Variants in DNM3 observed in about 807,000 individuals in gnomAD.
DNM3 encodes dynamin-3.
A neutral mutation model predicts 101.6 loss-of-function variants in DNM3; 47 were observed. The observed-to-expected ratio is 0.46, with a 90% CI of 0.37 to 0.59. The LOEUF is 0.59. Among genes scored for constraint, DNM3 ranks in the 20% least tolerant of loss-of-function variants. The pLI, the probability that DNM3 is intolerant of heterozygous loss-of-function variation, is 0.00. For synonymous variants in DNM3, 385 were observed against 387.9 expected (o/e 0.99, Z 0.09); for missense variants, 849 against 1,085.7 (o/e 0.78, Z 3.06).
Position 172,308,786 on chromosome 1 carries a change from G to A in DNM3, c.1828G>A (p.Asp610Asn). The A allele has an allele frequency of 2.5e-6, 4 of 1,609,998 alleles. No homozygotes were observed. The highest frequency in any genetic ancestry group is 3.4e-6 in the Non-Finnish European group (4 of 1,178,288). Residue 610 changes from aspartate (D) to asparagine (N), a missense_variant, in exon 16 of 21, where the codon GAC becomes AAC. Physicochemically the swap from Asp to Asn is conservative, Grantham distance 23. This residue lies in a region of DNM3 where 5 missense variants were observed against 23.4 expected (regional missense o/e 0.21). Coordinates refer to ENST00000627582, the MANE Select transcript of DNM3 (RefSeq NM_015569.5). ...ELACDSQEDV[D>N]SWKASLLRAG... ...GGCATGTGATTCCCAGGAGGATGTC[G>A]ACAGCTGGAAGGCATCTCTACTAAG...
intron 18 of DNM3, among the ~76,000 whole-genome samples, chr1:172,383,656 G>A (rs563104172): frequency 6.6e-6 from 1 of 152,284 alleles, no homozygotes; most frequent in South Asian, 2.1e-4. Context: ...TATTTGTGAA[G>A]GGTTTAAAAT....
At chr1:172,066,229 G>A (rs2051651685) in intron 10 of DNM3, among the ~76,000 whole-genome samples, 1 of 152,136 alleles carries the variant, frequency 6.6e-6, no homozygotes, top group African/African-American at 2.4e-5. Context: ...GTGTGTGGAT[G>A]TGTCTTAGTC....
chr1:172,172,435 G>C (rs1310254638), intron 14 of DNM3, among the ~76,000 whole-genome samples: 1 of 151,584 alleles, frequency 6.6e-6, no homozygotes, highest in Non-Finnish European at 1.5e-5. Flanking sequence ...CGGACAGAGG[G>C]ATGATTCATA....
Position 172,383,228 on chromosome 1 carries a change from T to C in DNM3, c.2059-3905T>C, listed in dbSNP as rs141003638. On this transcript the variant is annotated intron_variant, in intron 18 of 20. Transcript: ENST00000627582. ...GCTAACACTCTTCTGCTTTCTTAAA[T>C]TGTAGATTAGTTTTGCCTGTTTTTG... Among the ~76,000 whole-genome samples, 668 of 152,276 alleles carry C rather than the reference T, an allele frequency of 4.4e-3. 25 individuals carry two copies. Among genetic ancestry groups the C allele is most frequent in the Admixed American group, 0.04 (611 of 15,294 alleles).
chr1:172,186,908 G>T (rs1027603931), intron 14 of DNM3, among the ~76,000 whole-genome samples: 19 of 152,118 alleles, frequency 1.2e-4, no homozygotes, highest in African/African-American at 4.6e-4. Flanking sequence ...GTGAACCCTA[G>T]CTATGGAGGG....
At position 172,412,315 on chromosome 1, in the gene DNM3, G is replaced by A. The variant is rs146470210; in HGVS notation, c.*4474G>A. 3 of 985,416 alleles carry A rather than the reference G, an allele frequency of 3.0e-6. No individual in the cohort carries two copies. Among genetic ancestry groups the A allele is most frequent in the East Asian group, 2.3e-4 (2 of 8,818 alleles). The allele number at this position is 985,416 out of a possible 1,614,324, so 61.0% of individuals were successfully genotyped here. ...CTCTGTCTAACCACTTGCCTTGTCTGCTACCAGTTTGTTAAAAATTATTCC... is the reference window on the plus strand; with the variant it reads ...CTCTGTCTAACCACTTGCCTTGTCTACTACCAGTTTGTTAAAAATTATTCC... On this transcript the variant is annotated 3_prime_UTR_variant, in exon 21 of 21. Coordinates refer to ENST00000627582, the MANE Select transcript of DNM3 (RefSeq NM_015569.5).
intron 14 of DNM3, chr1:172,138,819 G>T: frequency 2.2e-6 from 1 of 457,778 alleles, no homozygotes; most frequent in Non-Finnish European, 4.5e-6. Flanking sequence ...TCATGTGACT[G>T]CCTGTCTGTG....
At chr1:172,099,099 G>A (rs1572502928) in intron 13 of DNM3, among the ~76,000 whole-genome samples, 1 of 152,198 alleles carries the variant, frequency 6.6e-6, no homozygotes, top group East Asian at 1.9e-4. Flanking sequence ...GGAAGGTCAA[G>A]AGAGAAGATG....
At chr1:171,909,305 T>C (rs2039092196) in intron 1 of DNM3, among the ~76,000 whole-genome samples, 2 of 151,998 alleles carry the variant, frequency 1.3e-5, no homozygotes, top group Non-Finnish European at 2.9e-5. Context: ...TGGTGCTGCA[T>C]GCCTGTAATC....
chr1:172,133,242 G>A (rs2148094453), intron 14 of DNM3: 1 of 1,095,220 alleles, frequency 9.1e-7, no homozygotes, highest in African/African-American at 1.6e-5. Flanking sequence ...GAAGGAAGAA[G>A]CTTTGAAGGC....
At position 172,215,140 on chromosome 1, in the gene DNM3, G is replaced by A. The variant is rs770494467; in HGVS notation, c.1660-38433G>A. 9.7e-4 allele frequency among the ~76,000 whole-genome samples: 148 copies of A among 152,064 alleles called. 2 individuals carry two copies. Among genetic ancestry groups the A allele is most frequent in the Non-Finnish European group, 3.1e-4 (21 of 67,982 alleles). On this transcript the variant is annotated intron_variant, in intron 14 of 20. Transcript: ENST00000627582. ...GAACATTTTAGTATTGGTTCTGACTGTAATAATCCTGGCCAATATGTGTAG... is the reference window on the plus strand; with the variant it reads ...GAACATTTTAGTATTGGTTCTGACTATAATAATCCTGGCCAATATGTGTAG...
chr1:172,047,291 A>G (rs111843946), intron 9 of DNM3, among the ~76,000 whole-genome samples: 87 of 152,290 alleles, frequency 5.7e-4, no homozygotes, highest in South Asian at 1.9e-3. Context: ...AAATAGGGTA[A>G]CAACTCTCCT....
At chr1:172,086,565 T>G (rs2053546016) in intron 12 of DNM3, among the ~76,000 whole-genome samples, 1 of 151,974 alleles carries the variant, frequency 6.6e-6, no homozygotes, top group African/African-American at 2.4e-5. Context: ...GGCAATAAAT[T>G]TTTAATTTAA....
intron 15 of DNM3, among the ~76,000 whole-genome samples, chr1:172,300,770 A>G (rs2064407896): frequency 1.3e-5 from 2 of 152,264 alleles, no homozygotes; most frequent in Admixed American, 1.3e-4. Flanking sequence ...CTATTGTATA[A>G]TAATAGTCCA....
intron 10 of DNM3, among the ~76,000 whole-genome samples, chr1:172,062,621 C>T (rs1011256964): frequency 6.6e-6 from 1 of 152,152 alleles, no homozygotes; most frequent in Non-Finnish European, 1.5e-5. Context: ...GGTCCCAGTT[C>T]ACCTAGTTGG....
intron 2 of DNM3, among the ~76,000 whole-genome samples, chr1:171,977,915 AT>A (rs970006250): frequency 2.0e-4 from 31 of 152,278 alleles, no homozygotes; most frequent in African/African-American, 5.3e-4. Context: ...CTCCAGACTC[AT>A]TTTTAACTGA....
Position 172,331,190 on chromosome 1 carries a change from C to T in DNM3, c.1893+7850C>T, listed in dbSNP as rs192007115. ...TCTTCCTTAAATTCCAGTTTCCTAC[C>T]TGTCAGCGCTGTTGACTACTATGAC... On this transcript the variant is annotated intron_variant, in intron 17 of 20. Coordinates refer to ENST00000627582, the MANE Select transcript of DNM3 (RefSeq NM_015569.5). Among the ~76,000 whole-genome samples the T allele has an allele frequency of 3.2e-4, 48 of 152,256 alleles. No individual in the cohort carries two copies. In the East Asian group the frequency reaches 8.9e-3, roughly 28 times the overall value.
At chr1:171,990,539 T>C (rs1408187857) in intron 4 of DNM3, among the ~76,000 whole-genome samples, 3 of 152,120 alleles carry the variant, frequency 2.0e-5, no homozygotes, top group Non-Finnish European at 4.4e-5. Context: ...GTGTGTACAC[T>C]TTTAATTAAT....
intron 15 of DNM3, among the ~76,000 whole-genome samples, chr1:172,291,063 A>G (rs1182644391): frequency 1.3e-5 from 2 of 152,174 alleles, no homozygotes; most frequent in Non-Finnish European, 2.9e-5. Flanking sequence ...GATGTAGATC[A>G]CATGACCGTG....
Sources: allele counts gnomAD v4.1 joint callset (sites outside exome capture counted in the v4.1 genomes callset), GRCh38; gene constraint gnomAD v4.1.1; regional missense constraint gnomAD v4.1.1; transcripts MANE v1.5; gene names NCBI Gene and HGNC (gene_info 2026-07-23, HGNC 2026-07-21).